Variants in COL6A5 observed in about 807,000 individuals in gnomAD.
COL6A5 encodes collagen type VI alpha 5 chain, also known as collagen alpha-5(VI) chain.
COL6A5 carries 48 observed loss-of-function variants against 65.6 expected under a neutral mutation model. The ratio of observed to expected loss-of-function variants is 0.73; its 90% CI spans 0.58 to 0.93. The LOEUF (loss-of-function observed/expected upper bound fraction) is 0.93, where lower values mean the gene tolerates loss of function less well. Ranked by LOEUF, COL6A5 falls within the 40% of genes least tolerant of loss-of-function variation. The probability of loss-of-function intolerance (pLI) is 0.00; values close to 1 mark genes in which losing one functional copy is unlikely to be tolerated. For synonymous variants in COL6A5, 291 were observed against 322.8 expected (o/e 0.90, Z 1.05); for missense variants, 914 against 928.3 (o/e 0.98, Z 0.20).
Position 130,439,570 on chromosome 3 carries a change from G to T in COL6A5, c.538G>T (p.Glu180Ter). The T allele has an allele frequency of 6.4e-7, 1 of 1,551,188 alleles. No homozygotes were observed. The highest frequency in any genetic ancestry group is 1.7e-4 in the Middle Eastern group (1 of 5,982). ...GGTGATTCCAGTTCCTCCAAATGGGGAAAATCAAACATTAGAAAGACTTCG... is the reference window on the plus strand; with the variant it reads ...GGTGATTCCAGTTCCTCCAAATGGGTAAAATCAAACATTAGAAAGACTTCG... Residue 180 changes from glutamate (E) to a stop codon, truncating the protein, a stop_gained, in exon 2 of 8, where the codon GAA becomes TAA. Transcript: ENST00000512836. LOFTEE classifies it high-confidence loss of function.
chr3:130,469,980 T>C (rs1709909214), intron 6 of COL6A5, among the ~76,000 whole-genome samples: 1 of 152,032 alleles, frequency 6.6e-6, no homozygotes, highest in African/African-American at 2.4e-5. Flanking sequence ...TAGCAAGGTG[T>C]AATGGTGTAA....
At chr3:130,391,632 A>G in exon 7 of COL6A5, 3 of 1,551,686 alleles carry the variant, frequency 1.9e-6, no homozygotes, top group South Asian at 1.2e-5. Context: ...GGAAAGGCCA[A>G]CCAAAAGGAA....
In COL6A5 at chr3:130,484,411, C is replaced by G. The variant is rs931978199; in HGVS notation, c.*370C>G. 7.4e-6 allele frequency: 3 copies of G among 405,830 alleles called. No homozygotes were observed. In the Admixed American group the frequency reaches 1.3e-4, roughly 17 times the overall value. 25.1% of individuals were successfully genotyped at this position (405,830 alleles called of 1,614,324 possible). ...GTCATTATTTTCAACACATCTGTAT[C>G]TCAGATTGGACTCCTCTAAAAGCAT... On this transcript the variant is annotated 3_prime_UTR_variant, in exon 8 of 8. Transcript: ENST00000512836.
chr3:130,464,860 A>G (rs1709777343), intron 5 of COL6A5, among the ~76,000 whole-genome samples: 1 of 152,092 alleles, frequency 6.6e-6, no homozygotes, highest in Non-Finnish European at 1.5e-5. Flanking sequence ...TGTATTGATA[A>G]AGGAAGAATG....
intron 17 of COL6A5, among the ~76,000 whole-genome samples, 171 bp from the exon 18 acceptor site, chr3:130,409,155 C>T (rs1937095468): frequency 6.6e-6 from 1 of 152,116 alleles, no homozygotes; most frequent in South Asian, 2.1e-4. Context: ...TAATCCTGAC[C>T]ATAGGCTTAA....
At chr3:130,468,683 G>A in intron 5 of COL6A5, 112 bp from the exon 38 acceptor site, 2 of 707,422 alleles carry the variant, frequency 2.8e-6, no homozygotes, top group Non-Finnish European at 4.7e-6. Context: ...TCTGCCATGA[G>A]TATGGAAATG....
chr3:130,379,527 G>C, exon 4 of COL6A5: 1 of 1,551,378 alleles, frequency 6.4e-7, no homozygotes, highest in East Asian at 2.4e-5. Context: ...CCTTCCTTGA[G>C]AACATTACCA....
chr3:130,473,542 T>C (rs376122426), intron 7 of COL6A5, among the ~76,000 whole-genome samples: 86 of 152,196 alleles, frequency 5.7e-4, no homozygotes, highest in African/African-American at 2.0e-3. Flanking sequence ...TTCTTTCTTG[T>C]TGAAGGCCAA....
exon 22 of COL6A5, chr3:130,414,101 AT>A (rs1371048374): frequency 6.4e-7 from 1 of 1,550,928 alleles, no homozygotes; most frequent in Admixed American, 2.0e-5. Context: ...CTACAGGCAC[AT>A]TGGGAGCTGA....
chr3:130,442,988 T>A (rs1024005092), intron 3 of COL6A5, among the ~76,000 whole-genome samples: 1 of 152,188 alleles, frequency 6.6e-6, no homozygotes, highest in Non-Finnish European at 1.5e-5. Context: ...TAAATAGGCA[T>A]ATTATTTAGA....
At chr3:130,424,821 C>T (rs956304132) in intron 29 of COL6A5, among the ~76,000 whole-genome samples, 2 of 152,078 alleles carry the variant, frequency 1.3e-5, no homozygotes, top group African/African-American at 4.8e-5. Context: ...CCAATCTGGT[C>T]TGTTCTGGAT....
At chr3:130,413,745 G>A (rs983675340) in intron 21 of COL6A5, among the ~76,000 whole-genome samples, 165 bp downstream of exon 21, 1 of 151,698 alleles carries the variant, frequency 6.6e-6, no homozygotes, top group Non-Finnish European at 1.5e-5. Flanking sequence ...CAGCTCCCGG[G>A]AACAGAACAG....
At chr3:130,409,846 CTGCTT>C in intron 18 of COL6A5, among the ~76,000 whole-genome samples, 158 bp from the exon 19 acceptor site, 1 of 152,114 alleles carries the variant, frequency 6.6e-6, no homozygotes, top group South Asian at 2.1e-4. Context: ...TGAGGAAGTA[CTGCTT>C]TGATTTTTTC....
At chr3:130,347,285 C>T (rs537110208) in intron 1 of COL6A5, among the ~76,000 whole-genome samples, 1 of 151,838 alleles carries the variant, frequency 6.6e-6, no homozygotes, top group African/African-American at 2.4e-5. Context: ...CCCGGAGGAC[C>T]CTGTGTGGTT....
chr3:130,402,661 G>A (rs1188769096), intron 12 of COL6A5, among the ~76,000 whole-genome samples: 1 of 152,150 alleles, frequency 6.6e-6, no homozygotes, highest in African/African-American at 2.4e-5. Flanking sequence ...GGCTGGGGGT[G>A]AATTGTGACT....
intron 28 of COL6A5, among the ~76,000 whole-genome samples, chr3:130,423,577 C>T (rs1937551761): frequency 6.6e-6 from 1 of 152,078 alleles, no homozygotes; most frequent in Non-Finnish European, 1.5e-5. Context: ...GCACCAATCC[C>T]AATTTATGGC....
At chr3:130,409,371 G>A (rs1267113955) in exon 18 of COL6A5, 1 of 1,548,678 alleles carries the variant, frequency 6.5e-7, no homozygotes, top group Non-Finnish European at 8.7e-7. Context: ...TGGAGAGAAG[G>A]GCTTCCCAGG....
At chr3:130,363,913 A>G (rs1015957773) in intron 1 of COL6A5, among the ~76,000 whole-genome samples, 5 of 152,166 alleles carry the variant, frequency 3.3e-5, no homozygotes, top group Non-Finnish European at 7.3e-5. Flanking sequence ...GATTTTCTGT[A>G]TCCTCCTGTC....
chr3:130,389,755 A>G (rs1936328524), intron 6 of COL6A5, among the ~76,000 whole-genome samples: 1 of 152,112 alleles, frequency 6.6e-6, no homozygotes, highest in Admixed American at 6.6e-5. Flanking sequence ...TAGTGCTTTT[A>G]AAATTGTATT....
Sources: allele counts gnomAD v4.1 joint callset (sites outside exome capture counted in the v4.1 genomes callset), GRCh38; gene constraint gnomAD v4.1.1; transcripts MANE v1.5; gene names NCBI Gene and HGNC (gene_info 2026-07-23, HGNC 2026-07-21).